The following CALM3 variants were observed in gnomAD, a reference collection of about 807,000 sequenced individuals.
The protein encoded by CALM3 is calmodulin 3.
CALM3 carries 5 observed loss-of-function variants against 20.1 expected under a neutral mutation model. The observed-to-expected ratio is 0.25, with a 90% confidence interval of 0.13 to 0.52. The LOEUF is 0.52. CALM3 is among the 20% of genes least tolerant of loss of function. The pLI is 0.96. For synonymous variants in CALM3, 69 were observed against 68.1 expected, an observed-to-expected ratio of 1.01 and a Z score of -0.06; for missense variants, 57 against 192.8, an observed-to-expected ratio of 0.30 and a Z score of 4.17.
In CALM3 at chr19:46,601,483, G is replaced by T. The variant is rs1284788595; in HGVS notation, c.3+46G>T. ...GCCGAGGCTGCGGGCTCTGAGGCGG[G>T]CTTAACGGGGCAGGACCCCTGAGGG... On this transcript the variant is annotated intron_variant, in intron 1 of 5. Coordinates refer to ENST00000291295, the MANE Select transcript of CALM3 (RefSeq NM_005184.4). This position sits in a 1 kb window ranked among gnomAD's most constrained non-coding sequence, Gnocchi z 4.2. 23 of 1,444,854 alleles carry T rather than the reference G, an allele frequency of 1.6e-5. No individual in the cohort carries two copies. The highest frequency in any genetic ancestry group is 1.9e-5 in the Non-Finnish European group (21 of 1,094,658). The allele number at this position is 1,444,854 out of a possible 1,614,324, so 89.5% of individuals were successfully genotyped here. A position where few individuals can be genotyped will look rare whatever the true frequency, so the allele number is the denominator to read the frequency against.
At position 46,607,557 on chromosome 19, in the gene CALM3, C is replaced by T. The variant is rs534981006; in HGVS notation, c.35-640C>T. Among the ~76,000 whole-genome samples the T allele has an allele frequency of 6.6e-5, 10 of 152,310 alleles. No homozygotes were observed. The East Asian group carries it at 1.9e-3, about 29-fold the overall frequency. ...CTCCTCATCCTCCTGGCTTGGCAGCCGTCCCCTCGCTTTCCATCCCCCCAT... is the reference window on the plus strand; with the variant it reads ...CTCCTCATCCTCCTGGCTTGGCAGCTGTCCCCTCGCTTTCCATCCCCCCAT... On this transcript the variant is annotated intron_variant, in intron 2 of 5. Transcript: ENST00000291295.
intron 1 of CALM3, chr19:46,602,312 G>A: frequency 1.2e-6 from 1 of 842,930 alleles, no homozygotes; most frequent in Non-Finnish European, 1.7e-6. Flanking sequence ...TAAGACTGTT[G>A]CTCTAGAAAG....
chr19:46,604,477 T>G (rs1971698708), intron 1 of CALM3, among the ~76,000 whole-genome samples: 1 of 151,638 alleles, frequency 6.6e-6, no homozygotes, highest in Non-Finnish European at 1.5e-5. Flanking sequence ...CCCTCTCCCC[T>G]CTGTGATCAT....
At position 46,606,977 on chromosome 19, in the gene CALM3, C is replaced by T. The variant is rs112211380; in HGVS notation, c.34+1120C>T. Among the ~76,000 whole-genome samples, 8 of 152,258 alleles carry T rather than the reference C, an allele frequency of 5.3e-5. 1 individual carries two copies. Among genetic ancestry groups the T allele is most frequent in the African/African-American group, 1.4e-4 (6 of 41,544 alleles). On this transcript the variant is annotated intron_variant, in intron 2 of 5. Transcript: ENST00000291295. ...CAGCTTCTGCGGTGGGAGGCAGGAA[C>T]GGACTTGCCTTCTCTCCTTTCTCCC... is the stretch of plus-strand genomic sequence containing the variant.
At chr19:46,601,124 C>G (rs1180221367), upstream of CALM3, 8 of 755,290 alleles carry the variant, frequency 1.1e-5, no homozygotes, top group Non-Finnish European at 1.5e-5. The surrounding 1 kb of genome is among the most constrained non-coding windows in gnomAD (Gnocchi z 4.2). Flanking sequence ...GCGCGCCCGG[C>G]GGCAAACCCA....
At chr19:46,602,102 G>A in intron 1 of CALM3, 1 of 1,313,180 alleles carries the variant, frequency 7.6e-7, no homozygotes, top group Non-Finnish European at 1.0e-6. Context: ...TGAGGTGCAA[G>A]CTTATGGGAG....
chr19:46,606,962 G>C (rs1437608668), intron 2 of CALM3, among the ~76,000 whole-genome samples: 1 of 152,178 alleles, frequency 6.6e-6, no homozygotes, highest in Non-Finnish European at 1.5e-5. Flanking sequence ...CAGCTTCTGC[G>C]GTGGGAGGCA....
chr19:46,601,634 C>T lies in CALM3; in HGVS notation c.3+197C>T, dbSNP rs993188461. On this transcript the variant is annotated intron_variant, in intron 1 of 5. Coordinates refer to ENST00000291295, the MANE Select transcript of CALM3 (RefSeq NM_005184.4). The surrounding 1 kb of genome is among the most constrained non-coding windows in gnomAD (Gnocchi z 4.2). ...CTGGATCACCAGAGGTTTCCAGAAG[C>T]GACTTTAGCACCAAATGGGATGTTT... Among the ~76,000 whole-genome samples the T allele has an allele frequency of 3.3e-5, 5 of 152,158 alleles. No homozygotes were observed. Among genetic ancestry groups the T allele is most frequent in the Non-Finnish European group, 5.9e-5 (4 of 68,028 alleles).
At position 46,601,391 on chromosome 19, in the gene CALM3, G is replaced by C. The variant is rs768427926; in HGVS notation, c.-44G>C. The C allele has an allele frequency of 1.0e-5, 15 of 1,475,608 alleles. No individual in the cohort carries two copies. In the South Asian group the frequency reaches 1.1e-4, roughly 11 times the overall value. 91.4% of individuals were successfully genotyped at this position (1,475,608 alleles called of 1,614,324 possible). On this transcript the variant is annotated 5_prime_UTR_variant, in exon 1 of 6. Coordinates refer to ENST00000291295, the MANE Select transcript of CALM3 (RefSeq NM_005184.4). The surrounding 1 kb of genome is among the most constrained non-coding windows in gnomAD (Gnocchi z 4.2). ...AACTGCTGCAGCTGCTGCCGCCGCC[G>C]GAGGAACCTTGATCCCCGTGCTCCG...
In CALM3 at chr19:46,605,022, C is replaced by T. The variant is rs896392770; in HGVS notation, c.4-805C>T. Among the ~76,000 whole-genome samples, 1 of 152,132 alleles carries T rather than the reference C, an allele frequency of 6.6e-6. No homozygotes were observed. Among genetic ancestry groups the T allele is most frequent in the Non-Finnish European group, 1.5e-5 (1 of 68,022 alleles). ...TGCAGCAAGGGCTGCCTGCCACCCACTGGCCAGTCCCCAGAGTGCCCAAGC... is the reference window on the plus strand; with the variant it reads ...TGCAGCAAGGGCTGCCTGCCACCCATTGGCCAGTCCCCAGAGTGCCCAAGC... On this transcript the variant is annotated intron_variant, in intron 1 of 5. Transcript: ENST00000291295. The surrounding 1 kb of genome is among the most constrained non-coding windows in gnomAD (Gnocchi z 4.1).
At chr19:46,604,067 C>T (rs915160275) in intron 1 of CALM3, among the ~76,000 whole-genome samples, 4 of 152,170 alleles carry the variant, frequency 2.6e-5, no homozygotes, top group African/African-American at 9.7e-5. Flanking sequence ...CCATTCTAGG[C>T]CAGGGGAAAG....
Position 46,608,966 on chromosome 19 carries a change from C to A in CALM3, c.406C>A (p.Gln136Lys). The A allele has an allele frequency of 6.2e-7, 1 of 1,603,834 alleles. No homozygotes were observed. The highest frequency in any genetic ancestry group is 8.5e-7 in the Non-Finnish European group (1 of 1,174,890). Reference sequence around the variant, plus strand: ...GGAGGCTGACATCGATGGAGATGGCCAGGTCAATTATGAAGGTGAGTCAAG... The same window carrying A: ...GGAGGCTGACATCGATGGAGATGGCAAGGTCAATTATGAAGGTGAGTCAAG... Reference protein sequence around the residue: ...IREADIDGDGQVNYEEFVQMM... With the variant: ...IREADIDGDGKVNYEEFVQMM... Residue 136 changes from glutamine to lysine, a missense_variant, in exon 5 of 6, where the codon CAG (glutamine) becomes AAG (lysine). By Grantham distance (53) the Gln-to-Lys change is moderately conservative (BLOSUM62 1). Transcript: ENST00000291295. This position sits in a 1 kb window ranked among gnomAD's most constrained non-coding sequence, Gnocchi z 5.5.
chr19:46,601,083 G>A (rs1299543376), upstream of CALM3: 4 of 1,144,330 alleles, frequency 3.5e-6, no homozygotes, highest in Non-Finnish European at 4.9e-6. The surrounding 1 kb of genome is among the most constrained non-coding windows in gnomAD (Gnocchi z 4.2). Flanking sequence ...CGCGGCGAGG[G>A]AAAGTAGTCC....
chr19:46,601,451 G>C lies in CALM3; in HGVS notation c.3+14G>C, dbSNP rs1326371138. ...GGCCTCGCCATGGTGAGTGAGGCTG[G>C]GGGGTCGCCGAGGCTGCGGGCTCTG... On this transcript the variant is annotated intron_variant, in intron 1 of 5. Coordinates refer to ENST00000291295, the MANE Select transcript of CALM3 (RefSeq NM_005184.4). The surrounding 1 kb of genome is among the most constrained non-coding windows in gnomAD (Gnocchi z 4.2). 7 of 1,495,354 alleles carry C rather than the reference G, an allele frequency of 4.7e-6. No homozygotes were observed. The highest frequency in any genetic ancestry group is 5.3e-6 in the Non-Finnish European group (6 of 1,122,836). 92.6% of individuals were successfully genotyped at this position (1,495,354 alleles called of 1,614,324 possible). A position where few individuals can be genotyped will look rare whatever the true frequency, so the allele number is the denominator to read the frequency against.
intron 1 of CALM3, among the ~76,000 whole-genome samples, chr19:46,603,492 TG>T (rs1323886563): frequency 6.6e-6 from 1 of 152,170 alleles, no homozygotes; most frequent in Admixed American, 6.5e-5. Flanking sequence ...GGCTGGGGGC[TG>T]GGGCAAGGCA....
In CALM3 at chr19:46,606,373, C is replaced by T. The variant is rs137946900; in HGVS notation, c.34+516C>T. The T allele has an allele frequency of 6.8e-3, 1,042 of 153,998 alleles. 13 individuals are homozygous for T. Among genetic ancestry groups the T allele is most frequent in the Non-Finnish European group, 8.9e-3 (613 of 69,170 alleles). 9.5% of individuals were successfully genotyped at this position (153,998 alleles called of 1,614,324 possible). A position where few individuals can be genotyped will look rare whatever the true frequency, so the allele number is the denominator to read the frequency against. On this transcript the variant is annotated intron_variant, in intron 2 of 5. Coordinates refer to ENST00000291295, the MANE Select transcript of CALM3 (RefSeq NM_005184.4). ...GTGCTTTGCATGGGCAGCTCCTTCC[C>T]GTCCCTTAGCTCAGATGTCCCCTCG...
intron 2 of CALM3, among the ~76,000 whole-genome samples, chr19:46,606,985 C>T (rs1244069876): frequency 6.6e-6 from 1 of 152,142 alleles, no homozygotes; most frequent in Non-Finnish European, 1.5e-5. Context: ...AACGGACTTG[C>T]CTTCTCTCCT....
rs1251543278 is a variant in CALM3 at position 46,608,639 on chromosome 19, C to G, written c.285+51C>G. Reference sequence around the variant, plus strand: ...TCTGAGACTGACGCCAGCCTTCAGGCAGACAGGCGGAACTGGAGCCACGGA... The same window carrying G: ...TCTGAGACTGACGCCAGCCTTCAGGGAGACAGGCGGAACTGGAGCCACGGA... On this transcript the variant is annotated intron_variant, in intron 4 of 5. Coordinates refer to ENST00000291295, the MANE Select transcript of CALM3 (RefSeq NM_005184.4). The surrounding 1 kb of genome is among the most constrained non-coding windows in gnomAD (Gnocchi z 5.5). 6.7e-7 allele frequency: 1 copy of G among 1,486,658 alleles called. No homozygotes were observed. Among genetic ancestry groups the G allele is most frequent in the Non-Finnish European group, 9.4e-7 (1 of 1,068,294 alleles). The allele number at this position is 1,486,658 out of a possible 1,614,324, so 92.1% of individuals were successfully genotyped here.
intron 1 of CALM3, chr19:46,602,093 G>A: frequency 1.5e-6 from 2 of 1,309,850 alleles, no homozygotes; most frequent in Non-Finnish European, 2.0e-6. Context: ...GGAGGAGGGT[G>A]AGGTGCAAGC....
Sources: allele counts gnomAD v4.1 joint callset (sites outside exome capture counted in the v4.1 genomes callset), GRCh38; gene constraint gnomAD v4.1.1; non-coding constraint Gnocchi (gnomAD v3.1); transcripts MANE v1.5; gene names NCBI Gene and HGNC (gene_info 2026-07-23, HGNC 2026-07-21).